Variants in ARID2 observed in about 807,000 individuals in gnomAD.
ARID2 encodes AT-rich interaction domain 2.
A neutral mutation model predicts 184.6 loss-of-function variants in ARID2; 32 were observed. That is an observed-to-expected ratio of 0.17 (90% CI 0.13 to 0.23). The LOEUF is 0.23. Among genes scored for constraint, ARID2 ranks in the 10% least tolerant of loss-of-function variants. ARID2 has a pLI of 1.00. For missense variants in ARID2, 1,696 were observed against 2,197.6 expected (o/e 0.77, Z 4.56); for synonymous variants, 836 against 772.6 (o/e 1.08, Z -1.36).
chr12:45,770,583 G>A (rs558202677), intron 3 of ARID2, among the ~76,000 whole-genome samples: 14 of 152,318 alleles, frequency 9.2e-5, no homozygotes, highest in African/African-American at 2.9e-4. Flanking sequence ...GGAAGGCGGA[G>A]AATAATTTTA....
intron 3 of ARID2, among the ~76,000 whole-genome samples, chr12:45,795,052 C>T (rs1030776432): frequency 1.3e-5 from 2 of 151,106 alleles, no homozygotes; most frequent in Non-Finnish European, 2.9e-5. Flanking sequence ...TTTTTATATT[C>T]TGCAAGGTTT....
At chr12:45,835,562 A>G (rs1347610238) in intron 6 of ARID2, among the ~76,000 whole-genome samples, 2 of 152,122 alleles carry the variant, frequency 1.3e-5, no homozygotes, top group Non-Finnish European at 2.9e-5. Context: ...TAATATTACT[A>G]TAGTTCATTG....
At chr12:45,843,810 C>T (rs1337136965) in intron 11 of ARID2, among the ~76,000 whole-genome samples, 1 of 152,120 alleles carries the variant, frequency 6.6e-6, no homozygotes, top group African/African-American at 2.4e-5. Context: ...AAATGTCTGC[C>T]ACGTAACCTA....
rs2137958561 is a variant in ARID2 at position 45,729,812 on chromosome 12, T to C, written c.-25T>C. 2 of 1,589,198 alleles carry C rather than the reference T, an allele frequency of 1.3e-6. No individual in the cohort carries two copies. The highest frequency in any genetic ancestry group is 4.6e-5 in the East Asian group (2 of 43,848). On this transcript the variant is annotated 5_prime_UTR_variant, in exon 1 of 21. Transcript: ENST00000334344. ...GCTTTTAAAACACCGATCTGGGTTT[T>C]TTAAAAACCTCCTTTGAAAAAATAA...
In ARID2 at chr12:45,838,780, G is replaced by A. The variant is rs569129485; in HGVS notation, c.1331-549G>A. On this transcript the variant is annotated intron_variant, in intron 10 of 20. Transcript: ENST00000334344. ...ATCCTTTCTCAAAAAAAAATATATA[G>A]ATAGATAGATAGATATAGATATAGA... Among the ~76,000 whole-genome samples the A allele has an allele frequency of 4.6e-5, 7 of 151,008 alleles. No individual in the cohort carries two copies. In the East Asian group the frequency reaches 1.4e-3, roughly 29 times the overall value.
chr12:45,751,044 A>G (rs12828708), intron 3 of ARID2, among the ~76,000 whole-genome samples: 2,239 of 152,318 alleles, frequency 0.015, 24 homozygotes, highest in Non-Finnish European at 0.026. Flanking sequence ...ACATATATCA[A>G]TGATGAGAAC....
intron 3 of ARID2, among the ~76,000 whole-genome samples, chr12:45,740,968 A>G (rs1941242391): frequency 6.6e-6 from 1 of 152,052 alleles, no homozygotes; most frequent in African/African-American, 2.4e-5. Flanking sequence ...TAAAGTTACC[A>G]TTTTCTCTTT....
chr12:45,881,883 G>T, intron 16 of ARID2: 1 of 212,358 alleles, frequency 4.7e-6, no homozygotes, highest in East Asian at 1.3e-4. Context: ...ACTGTGTCTG[G>T]GATCTGGGGA....
At chr12:45,897,718 A>G (rs936449556) in intron 20 of ARID2, among the ~76,000 whole-genome samples, 1 of 152,200 alleles carries the variant, frequency 6.6e-6, no homozygotes, top group Admixed American at 6.5e-5. Context: ...CTAAGTGTCT[A>G]TCATCGATGA....
chr12:45,760,761 C>T (rs898682472), intron 3 of ARID2, among the ~76,000 whole-genome samples: 10 of 151,338 alleles, frequency 6.6e-5, no homozygotes, highest in Admixed American at 4.0e-4. Context: ...TATTTTGGTT[C>T]ATATTTTTTA....
chr12:45,864,901 A>C lies in ARID2; in HGVS notation c.4922+3952A>C, dbSNP rs1388629328. ...ATATTTCCCTTATTTACCAGTTTTC[A>C]AAATAATGAGTTGCTCACTATCACC... On this transcript the variant is annotated intron_variant, in intron 16 of 20. Transcript: ENST00000334344. Among the ~76,000 whole-genome samples, 4 of 152,280 alleles carry C rather than the reference A, an allele frequency of 2.6e-5. No individual in the cohort carries two copies. The East Asian group carries it at 7.7e-4, about 29-fold the overall frequency.
intron 3 of ARID2, among the ~76,000 whole-genome samples, chr12:45,736,556 C>T (rs1021818733): frequency 2.0e-5 from 3 of 151,852 alleles, no homozygotes; most frequent in African/African-American, 7.3e-5. Flanking sequence ...TTTTCCAGAC[C>T]TACTAAAGTT....
At chr12:45,841,386 A>T (rs999467461) in intron 11 of ARID2, 1 of 152,118 alleles carries the variant, frequency 6.6e-6, no homozygotes. Context: ...ATGGGACTAG[A>T]CTGCTCAGGA....
rs907181444 is a variant in ARID2 at position 45,905,809 on chromosome 12, A to G, written c.*731A>G. 1 of 232,962 alleles carries G rather than the reference A, an allele frequency of 4.3e-6. No homozygotes were observed. The highest frequency in any genetic ancestry group is 8.5e-6 in the Non-Finnish European group (1 of 117,656). 14.4% of individuals were successfully genotyped at this position (232,962 alleles called of 1,614,324 possible). On this transcript the variant is annotated 3_prime_UTR_variant, in exon 21 of 21. Transcript: ENST00000334344. ...TAAAGTTTTCTAGACTTTCCTGTCA[A>G]TTGTAAGTAATTGTGATATATTCTA...
Position 45,731,241 on chromosome 12 carries a change from G to A in ARID2, c.211G>A (p.Glu71Lys), listed in dbSNP as rs1400817387. The change falls in exon 3 of 21, where the codon GAA becomes AAA. Residue 71 changes from glutamate (E) to lysine (K), a missense_variant. Glu to Lys is a moderately conservative substitution (Grantham distance 56). Transcript: ENST00000334344. ...GGTTTCTGAGAAGAATCAGTGGGGAGAAATTGTTGAAGAGTTCAACTTTCC... is the reference window on the plus strand; with the variant it reads ...GGTTTCTGAGAAGAATCAGTGGGGAAAAATTGTTGAAGAGTTCAACTTTCC... ...AKVSEKNQWGEIVEEFNFPRS... is the reference protein window; with the variant it reads ...AKVSEKNQWGKIVEEFNFPRS... The A allele has an allele frequency of 6.2e-7, 1 of 1,613,788 alleles. No homozygotes were observed. Among genetic ancestry groups the A allele is most frequent in the Non-Finnish European group, 8.5e-7 (1 of 1,179,832 alleles).
At chr12:45,753,325 A>T (rs944318767) in intron 3 of ARID2, among the ~76,000 whole-genome samples, 36 of 151,352 alleles carry the variant, frequency 2.4e-4, no homozygotes, top group Non-Finnish European at 2.5e-4. Context: ...TTCCCCCCTC[A>T]TGATGGTCTG....
chr12:45,809,533 A>T (rs1942664419), intron 3 of ARID2, among the ~76,000 whole-genome samples: 2 of 152,206 alleles, frequency 1.3e-5, no homozygotes, highest in East Asian at 3.9e-4. Context: ...GTGTTCTTAG[A>T]CTGTAAATTC....
intron 6 of ARID2, among the ~76,000 whole-genome samples, chr12:45,830,926 C>T (rs1034566357): frequency 5.1e-4 from 77 of 151,874 alleles, no homozygotes; most frequent in Admixed American, 4.1e-3. Flanking sequence ...GGCATTTTGG[C>T]GGGCACCTGC....
At chr12:45,795,533 C>T (rs970311314) in intron 3 of ARID2, among the ~76,000 whole-genome samples, 6 of 151,934 alleles carry the variant, frequency 3.9e-5, no homozygotes, top group East Asian at 3.9e-4. Context: ...CCCGGGTTCA[C>T]GCCATTCTCC....
Sources: allele counts gnomAD v4.1 joint callset (sites outside exome capture counted in the v4.1 genomes callset), GRCh38; gene constraint gnomAD v4.1.1; transcripts MANE v1.5; gene names NCBI Gene and HGNC (gene_info 2026-07-23, HGNC 2026-07-21).